The following RIMKLB variants were observed in gnomAD, a reference collection of about 807,000 sequenced individuals.
RIMKLB encodes beta-citrylglutamate synthase B.
In RIMKLB, 7 loss-of-function variants were observed where a neutral mutation model predicts 32.0. The ratio of observed to expected loss-of-function variants is 0.22; its 90% CI spans 0.12 to 0.41. The LOEUF (loss-of-function observed/expected upper bound fraction) is 0.41, where lower values mean the gene tolerates loss of function less well. Among genes scored for constraint, RIMKLB ranks in the 10% least tolerant of loss-of-function variants. The pLI, the probability that RIMKLB is intolerant of heterozygous loss-of-function variation, is 1.00. For missense variants in RIMKLB, 289 were observed against 498.7 expected, an observed-to-expected ratio of 0.58 and a Z score of 4.00; for synonymous variants, 172 against 185.1, an observed-to-expected ratio of 0.93 and a Z score of 0.57.
rs1943000907 is a variant in RIMKLB, at chr12:8,698,045, G to A, written c.-309G>A. Reference sequence around the variant, plus strand: ...GCCGGGTGTGAGTGTGTGGGAGTGAGAGTGTGTGGGAGTGGGGTGAGGGAG... The same window carrying A: ...GCCGGGTGTGAGTGTGTGGGAGTGAAAGTGTGTGGGAGTGGGGTGAGGGAG... On this transcript the variant is annotated 5_prime_UTR_variant, in exon 1 of 6. Coordinates refer to ENST00000535829, the MANE Select transcript of RIMKLB (RefSeq NM_001297776.2). 2.2e-5 allele frequency: 5 copies of A among 231,268 alleles called. No individual in the cohort carries two copies. Among genetic ancestry groups the A allele is most frequent in the South Asian group, 1.0e-4 (3 of 29,778 alleles). 14.3% of individuals were successfully genotyped at this position (231,268 alleles called of 1,614,324 possible).
intron 2 of RIMKLB, among the ~76,000 whole-genome samples, chr12:8,730,248 G>A (rs775380462): frequency 2.1e-4 from 32 of 152,256 alleles, no homozygotes; most frequent in Admixed American, 5.9e-4. Flanking sequence ...ACCACATCCG[G>A]CTAATTATTT....
At chr12:8,735,021 C>T (rs774820487) in intron 2 of RIMKLB, among the ~76,000 whole-genome samples, 2 of 152,216 alleles carry the variant, frequency 1.3e-5, no homozygotes, top group South Asian at 2.1e-4. Context: ...GTAGTTTTCT[C>T]GCTTCTGTCA....
At chr12:8,777,226 T>TC, downstream of RIMKLB, 1 of 970,234 alleles carries the variant, frequency 1.0e-6, no homozygotes, top group South Asian at 4.8e-5. Flanking sequence ...TTTTTTTTTT[T>TC]TTTTTTTTTT....
intron 1 of RIMKLB, among the ~76,000 whole-genome samples, chr12:8,706,369 A>AC (rs984950589): frequency 3.3e-5 from 5 of 149,502 alleles, no homozygotes; most frequent in East Asian, 2.0e-4. Flanking sequence ...TGAACTCCTG[A>AC]CCTCAGGTGA....
chr12:8,703,589 G>A (rs746569340), intron 1 of RIMKLB, among the ~76,000 whole-genome samples: 4 of 152,148 alleles, frequency 2.6e-5, no homozygotes, highest in African/African-American at 9.6e-5. Context: ...CTCCTAAAGT[G>A]TTGATTTTTT....
intron 5 of RIMKLB, among the ~76,000 whole-genome samples, chr12:8,769,831 G>T (rs1043972845): frequency 6.6e-6 from 1 of 151,982 alleles, no homozygotes; most frequent in African/African-American, 2.4e-5. Context: ...CTTTCCCCTG[G>T]TGTTCCTTGT....
chr12:8,757,470 C>CAAAAAAAAAAAAAA (rs55670138), intron 5 of RIMKLB, among the ~76,000 whole-genome samples: 7 of 71,414 alleles, frequency 9.8e-5, no homozygotes, highest in African/African-American at 3.5e-4. Flanking sequence ...GACCCTGTCT[C>CAAAAAAAAAAAAAA]AAAAAAAAAA....
rs151182607 is a variant in RIMKLB at position 8,708,972 on chromosome 12, G to T, written c.-56-4839G>T. Among the ~76,000 whole-genome samples the T allele has an allele frequency of 3.9e-5, 6 of 152,296 alleles. No homozygotes were observed. In the East Asian group the frequency reaches 7.7e-4, roughly 20 times the overall value. The stretch of plus-strand genomic sequence containing the variant: ...ATATTTATACATTGTTTTTCTTGAT[G>T]CACTGGAGGAAATAAAGAGAGGATG... On this transcript the variant is annotated intron_variant, in intron 1 of 5. Transcript: ENST00000535829.
intron 5 of RIMKLB, among the ~76,000 whole-genome samples, chr12:8,764,232 C>G (rs998235882): frequency 2.0e-5 from 3 of 152,208 alleles, no homozygotes; most frequent in Admixed American, 1.3e-4. Flanking sequence ...GAGGCGGAAT[C>G]CTTTAACTTG....
At chr12:8,763,203 G>GT (rs1340431116) in intron 5 of RIMKLB, among the ~76,000 whole-genome samples, 4 of 152,178 alleles carry the variant, frequency 2.6e-5, no homozygotes, top group African/African-American at 4.8e-5. Context: ...CACTACATCA[G>GT]TTTCCTTACT....
At chr12:8,714,091 G>A (rs1488804777) in intron 2 of RIMKLB, 50 bp downstream of exon 2, 4 of 1,478,738 alleles carry the variant, frequency 2.7e-6, no homozygotes, top group Non-Finnish European at 2.8e-6. Flanking sequence ...AGAATATGAT[G>A]AATCTGCATG....
At chr12:8,773,050 G>T (rs1950531418) in intron 5 of RIMKLB, among the ~76,000 whole-genome samples, 2 of 151,516 alleles carry the variant, frequency 1.3e-5, no homozygotes, top group Non-Finnish European at 2.9e-5. Context: ...TATTTATGCT[G>T]AACTTCCTTA....
At chr12:8,755,686 A>G (rs1211774159) in intron 5 of RIMKLB, among the ~76,000 whole-genome samples, 1 of 152,068 alleles carries the variant, frequency 6.6e-6, no homozygotes, top group African/African-American at 2.4e-5. Context: ...ATGCTTTTAC[A>G]TTGCAAGTCA....
At chr12:8,673,411 T>A in the RIMKLB span, among the ~76,000 whole-genome samples, 2 of 152,084 alleles carry the variant, frequency 1.3e-5, no homozygotes, top group Admixed American at 1.3e-4. Context: ...ACAACAATAA[T>A]GATTATTTTT....
In RIMKLB at chr12:8,686,575, A is replaced by G. The variant is rs373076148; in HGVS notation, n.219+4757A>G. Among the ~76,000 whole-genome samples, 11 of 149,912 alleles carry G rather than the reference A, an allele frequency of 7.3e-5. No individual in the cohort carries two copies. The East Asian group carries it at 9.9e-4, about 13-fold the overall frequency. Reference sequence around the variant, plus strand: ...GCTCACTGCAAGCTCCGCCTCCCGGATTCATGCCATTCTCCTGCCTCAGCC... The same window carrying G: ...GCTCACTGCAAGCTCCGCCTCCCGGGTTCATGCCATTCTCCTGCCTCAGCC... On this transcript the variant is annotated intron_variant and non_coding_transcript_variant, in intron 1 of 1. Coordinates refer to the RIMKLB transcript ENST00000538758.
At chr12:8,741,363 G>A (rs771433464) in intron 2 of RIMKLB, among the ~76,000 whole-genome samples, 1 of 150,770 alleles carries the variant, frequency 6.6e-6, no homozygotes, top group South Asian at 2.1e-4. Flanking sequence ...GGGCGACAGA[G>A]CAAGACTCCA....
intron 2 of RIMKLB, among the ~76,000 whole-genome samples, chr12:8,724,794 T>C (rs1945821211): frequency 1.3e-5 from 2 of 152,154 alleles, no homozygotes; most frequent in South Asian, 2.1e-4. Context: ...AGTCCTCAGT[T>C]ACCAGTGTGG....
At position 8,768,310 on chromosome 12, in the gene RIMKLB, C is replaced by T. The variant is rs756330944; in HGVS notation, c.698-5011C>T. ...CTGGATCTGGAGGGGTGGAAGTCAACGGTGGGTCTGGGACAGTGGCAAACA... is the reference window on the plus strand; with the variant it reads ...CTGGATCTGGAGGGGTGGAAGTCAATGGTGGGTCTGGGACAGTGGCAAACA... On this transcript the variant is annotated intron_variant, in intron 5 of 5. Coordinates refer to ENST00000535829, the MANE Select transcript of RIMKLB (RefSeq NM_001297776.2). Among the ~76,000 whole-genome samples the T allele has an allele frequency of 4.9e-4, 75 of 152,236 alleles. 2 individuals carry two copies. Among genetic ancestry groups the T allele is most frequent in the African/African-American group, 1.6e-3 (65 of 41,538 alleles).
Position 8,774,547 on chromosome 12 carries a change from T to G in RIMKLB, c.*763T>G, listed in dbSNP as rs753171277. The G allele has an allele frequency of 3.0e-6, 3 of 984,156 alleles. No individual in the cohort carries two copies. In the East Asian group the frequency reaches 3.4e-4, roughly 112 times the overall value. 61.0% of individuals were successfully genotyped at this position (984,156 alleles called of 1,614,324 possible). ...TATTTGTTAGTGTTTTAGTCTTTTTTGAAAGATGTGCTCTGTTAATGTTGC... is the reference window on the plus strand; with the variant it reads ...TATTTGTTAGTGTTTTAGTCTTTTTGGAAAGATGTGCTCTGTTAATGTTGC... On this transcript the variant is annotated 3_prime_UTR_variant, in exon 6 of 6. Transcript: ENST00000535829.
Sources: gnomAD v4.1 joint callset for allele counts (sites outside exome capture counted in the v4.1 genomes callset) on GRCh38, gnomAD v4.1.1 for gene constraint, MANE v1.5 for transcripts, NCBI Gene and HGNC (gene_info 2026-07-23, HGNC 2026-07-21) for gene names.